Variants in TTC28 observed in about 807,000 individuals in gnomAD.
TTC28 encodes the protein tetratricopeptide repeat domain 28.
A neutral mutation model predicts 198.0 loss-of-function variants in TTC28; 61 were observed. The observed-to-expected ratio is 0.31, with a 90% CI of 0.25 to 0.38. TTC28 has a LOEUF of 0.38. TTC28 is among the 10% of genes least tolerant of loss of function. TTC28 has a pLI of 1.00. For missense variants in TTC28, 2,678 were observed against 3,164.0 expected, an observed-to-expected ratio of 0.85 and a Z score of 3.69; for synonymous variants, 1,171 against 1,297.8, an observed-to-expected ratio of 0.90 and a Z score of 2.10.
At chr22:28,109,330 T>G (rs565160425) in intron 6 of TTC28, among the ~76,000 whole-genome samples, 46 of 152,334 alleles carry the variant, frequency 3.0e-4, no homozygotes, top group African/African-American at 1.1e-3. Context: ...GTAATCATAT[T>G]AACTGGAAAA....
chr22:28,201,751 CAAAAAAA>C (rs34790960), intron 5 of TTC28, among the ~76,000 whole-genome samples: 5 of 81,010 alleles, frequency 6.2e-5, no homozygotes, highest in South Asian at 4.7e-4. Context: ...TTACAGAAAG[CAAAAAAA>C]AAAAAAAAAA....
At chr22:28,468,214 A>G (rs1405423961) in intron 2 of TTC28, among the ~76,000 whole-genome samples, 2 of 152,296 alleles carry the variant, frequency 1.3e-5, no homozygotes, top group East Asian at 3.9e-4. Flanking sequence ...TCTGAGAAAA[A>G]GCTGAATGGA....
intron 2 of TTC28, among the ~76,000 whole-genome samples, chr22:28,597,519 T>TA (rs2050561291): frequency 6.6e-6 from 1 of 152,206 alleles, no homozygotes; most frequent in Admixed American, 6.5e-5. Flanking sequence ...AACCAAAATG[T>TA]GTATATTGGA....
intron 6 of TTC28, among the ~76,000 whole-genome samples, chr22:28,129,777 T>C (rs1943012820): frequency 6.6e-6 from 1 of 152,208 alleles, no homozygotes; most frequent in Non-Finnish European, 1.5e-5. Flanking sequence ...GGGGAGATGA[T>C]GCACGTAAAA....
At chr22:28,003,873 T>C (rs1431276507) in intron 14 of TTC28, among the ~76,000 whole-genome samples, 1 of 152,298 alleles carries the variant, frequency 6.6e-6, no homozygotes, top group East Asian at 1.9e-4. Context: ...GGCCCTATTG[T>C]CAGAAGTCTC....
intron 2 of TTC28, among the ~76,000 whole-genome samples, chr22:28,333,834 T>A (rs1345591453): frequency 1.3e-5 from 2 of 151,936 alleles, no homozygotes; most frequent in South Asian, 4.1e-4. Flanking sequence ...GGAAAAAAAA[T>A]CACTGTATTT....
chr22:28,087,748 T>C (rs961797758), intron 12 of TTC28, among the ~76,000 whole-genome samples: 1 of 152,168 alleles, frequency 6.6e-6, no homozygotes, highest in African/African-American at 2.4e-5. Flanking sequence ...GACATGATTG[T>C]ATATCTAGAA....
intron 6 of TTC28, among the ~76,000 whole-genome samples, chr22:28,117,363 C>T (rs544368559): frequency 6.6e-6 from 1 of 152,330 alleles, no homozygotes; most frequent in African/African-American, 2.4e-5. Context: ...GCACCTAGCA[C>T]ATCCTGATAG....
chr22:28,371,773 G>A (rs2046341375), intron 2 of TTC28, among the ~76,000 whole-genome samples: 1 of 145,918 alleles, frequency 6.9e-6, no homozygotes. Flanking sequence ...GTAGAGACGG[G>A]GTTTCACCAT....
In TTC28 at chr22:28,099,039, A is replaced by G. The variant is rs1601617557; in HGVS notation, c.3423T>C (p.Tyr1141=). ...GNLEEAQHQL[Y]RASALFETIR... ...TTGTTTCAAACAAGGCTGATGCCCT[A>G]TAAAGCTGCAAGGAGGGAGGAAGAA... Residue 1141 remains tyrosine, a synonymous_variant, in exon 10 of 23, where the codon TAT becomes TAC. Coordinates refer to ENST00000397906, the MANE Select transcript of TTC28 (RefSeq NM_001145418.2). 9.7e-6 allele frequency: 15 copies of G among 1,551,990 alleles called. No homozygotes were observed. Among genetic ancestry groups the G allele is most frequent in the Non-Finnish European group, 1.3e-5 (15 of 1,147,042 alleles).
At chr22:28,116,674 CA>C (rs1335235165) in intron 6 of TTC28, among the ~76,000 whole-genome samples, 1 of 152,196 alleles carries the variant, frequency 6.6e-6, no homozygotes, top group Non-Finnish European at 1.5e-5. Context: ...ATGAAAAAAA[CA>C]TTTGTTTAGA....
rs546221723 is a variant in TTC28, at chr22:28,014,215, C to T, written c.4218+33G>A. The T allele has an allele frequency of 9.8e-6, 15 of 1,537,222 alleles. No individual in the cohort carries two copies. The East Asian group carries it at 1.7e-4, about 18-fold the overall frequency. ...GACTGGTAAGCGATGTGTTCTGATG[C>T]GGAGGAGCCTTGTGCCCCCAGGAGG... On this transcript the variant is annotated intron_variant, in intron 14 of 22. Coordinates refer to ENST00000397906, the MANE Select transcript of TTC28 (RefSeq NM_001145418.2).
intron 5 of TTC28, among the ~76,000 whole-genome samples, chr22:28,235,802 A>G (rs1400493789): frequency 1.3e-5 from 2 of 152,226 alleles, no homozygotes; most frequent in African/African-American, 2.4e-5. Flanking sequence ...ATCATAGATT[A>G]AAATGTAAAA....
intron 2 of TTC28, among the ~76,000 whole-genome samples, chr22:28,437,083 T>C (rs1020307326): frequency 5.3e-5 from 8 of 152,044 alleles, no homozygotes; most frequent in African/African-American, 1.9e-4. Context: ...TATTTCTTAT[T>C]CTTTTAATTT....
chr22:28,600,462 A>C lies in TTC28; in HGVS notation c.381+29090T>G, dbSNP rs1423116128. 5.9e-5 allele frequency among the ~76,000 whole-genome samples: 9 copies of C among 152,316 alleles called. No homozygotes were observed. In the East Asian group the frequency reaches 1.7e-3, roughly 29 times the overall value. ...TATATCTCAATGAATGCATGCATTA[A>C]ATACAACAAAAATTGATATAGAGCA... On this transcript the variant is annotated intron_variant, in intron 2 of 22. Coordinates refer to ENST00000397906, the MANE Select transcript of TTC28 (RefSeq NM_001145418.2).
At position 28,332,442 on chromosome 22, in the gene TTC28, C is replaced by G. The variant is rs5752722; in HGVS notation, c.382-25799G>C. 1.5e-3 allele frequency among the ~76,000 whole-genome samples: 235 copies of G among 151,976 alleles called. 4 individuals are homozygous for G. In the East Asian group the frequency reaches 0.021, roughly 13 times the overall value. On this transcript the variant is annotated intron_variant, in intron 2 of 22. Coordinates refer to ENST00000397906, the MANE Select transcript of TTC28 (RefSeq NM_001145418.2). ...AAAAGTCAAATCATTCTCTTAAGCT[C>G]ACAGATGACTATATTTAATGTCCTA...
intron 2 of TTC28, among the ~76,000 whole-genome samples, chr22:28,447,100 C>T (rs552984722): frequency 5.1e-4 from 77 of 152,280 alleles, no homozygotes; most frequent in African/African-American, 1.7e-3. Flanking sequence ...TTATAAACCA[C>T]TGTCTGGGTG....
intron 2 of TTC28, among the ~76,000 whole-genome samples, chr22:28,565,145 GA>G (rs2049950504): frequency 6.6e-6 from 1 of 151,522 alleles, no homozygotes; most frequent in South Asian, 2.1e-4. Flanking sequence ...ATCTACAGCA[GA>G]AACCAAGTAT....
intron 2 of TTC28, among the ~76,000 whole-genome samples, chr22:28,430,343 A>ATTGTT (rs2047413244): frequency 6.6e-6 from 1 of 152,168 alleles, no homozygotes; most frequent in Non-Finnish European, 1.5e-5. Context: ...CAAAGACTTT[A>ATTGTT]TTTGGAAATA....
Sources: gnomAD v4.1 joint callset for allele counts (sites outside exome capture counted in the v4.1 genomes callset) on GRCh38, gnomAD v4.1.1 for gene constraint, MANE v1.5 for transcripts, NCBI Gene and HGNC (gene_info 2026-07-23, HGNC 2026-07-21) for gene names.